The following SORBS3 variants were observed in gnomAD, a reference collection of about 807,000 sequenced individuals.
SORBS3 encodes the protein sorbin and SH3 domain containing 3, also known as vinexin.
A neutral mutation model predicts 98.0 loss-of-function variants in SORBS3; 69 were observed. That is an observed-to-expected ratio of 0.70 (90% CI 0.58 to 0.86). The LOEUF is 0.86. SORBS3 is among the 40% of genes least tolerant of loss of function. SORBS3 has a pLI of 0.00. For missense variants in SORBS3, 954 were observed against 908.5 expected (o/e 1.05, Z -0.64); for synonymous variants, 394 against 355.4 (o/e 1.11, Z -1.22).
chr8:22,570,422 G>T (rs1019177726), intron 17 of SORBS3, among the ~76,000 whole-genome samples: 7 of 152,204 alleles, frequency 4.6e-5, no homozygotes, highest in Non-Finnish European at 7.3e-5. Flanking sequence ...CCCAGGCAGG[G>T]CAGTAGTGGT....
intron 4 of SORBS3, among the ~76,000 whole-genome samples, chr8:22,557,505 A>G (rs1250590029): frequency 1.3e-5 from 2 of 152,082 alleles, no homozygotes; most frequent in Non-Finnish European, 2.9e-5. Context: ...TCACTCCTAC[A>G]TTATTGCTGT....
intron 1 of SORBS3, among the ~76,000 whole-genome samples, chr8:22,553,668 G>A (rs990204912): frequency 6.6e-6 from 1 of 152,184 alleles, no homozygotes; most frequent in Non-Finnish European, 1.5e-5. Flanking sequence ...AGGGGCGGGA[G>A]AAAGTGGAGC....
intron 1 of SORBS3, among the ~76,000 whole-genome samples, chr8:22,546,875 C>G (rs888262478): frequency 5.3e-5 from 8 of 152,116 alleles, no homozygotes; most frequent in African/African-American, 1.9e-4. Context: ...CTCCCCTGGG[C>G]AAGTGGGGAA....
chr8:22,562,344 G>A (rs1446558053), intron 7 of SORBS3, among the ~76,000 whole-genome samples: 2 of 152,206 alleles, frequency 1.3e-5, no homozygotes, highest in Non-Finnish European at 2.9e-5. Flanking sequence ...GAAAACAAGG[G>A]ATATGGAAGA....
intron 20 of SORBS3, among the ~76,000 whole-genome samples, chr8:22,573,714 G>T (rs1334037091): frequency 1.3e-5 from 2 of 152,226 alleles, no homozygotes; most frequent in African/African-American, 4.8e-5. Flanking sequence ...AGGAAGTCAG[G>T]GTGCCAGCCT....
At chr8:22,551,670 C>T (rs1403227881), upstream of SORBS3, 1 of 948,440 alleles carries the variant, frequency 1.1e-6, no homozygotes, top group East Asian at 1.2e-4. This position sits in a 1 kb window ranked among gnomAD's most constrained non-coding sequence, Gnocchi z 5.8. Context: ...GCCAGGCCTC[C>T]TCGGCAGGGG....
Position 22,571,800 on chromosome 8 carries a change from C to T in SORBS3, c.1826C>T (p.Thr609Ile), listed in dbSNP as rs201699981. 17 of 1,612,940 alleles carry T rather than the reference C, an allele frequency of 1.1e-5. No individual in the cohort carries two copies. In the East Asian group the frequency reaches 3.6e-4, roughly 34 times the overall value. Reference sequence around the variant, plus strand: ...GACCTGGGGACCTCCTCTCCTAACACCTCTCAGATACACTGGACCCCGTGA... The same window carrying T: ...GACCTGGGGACCTCCTCTCCTAACATCTCTCAGATACACTGGACCCCGTGA... ...PLDLGTSSPN[T>I]SQIHWTPYRA... The change falls in exon 19 of 21, where the codon ACC becomes ATC. Residue 609 changes from threonine (T) to isoleucine (I), a missense_variant. Transcript: ENST00000240123.
chr8:22,555,488 G>A (rs1204705565), intron 3 of SORBS3, among the ~76,000 whole-genome samples: 3 of 152,214 alleles, frequency 2.0e-5, no homozygotes, highest in Non-Finnish European at 4.4e-5. Flanking sequence ...CCCTAAGACA[G>A]GTGCTGTGTA....
chr8:22,557,078 T>C (rs913801336), intron 4 of SORBS3, among the ~76,000 whole-genome samples, 170 bp downstream of exon 4: 1 of 152,156 alleles, frequency 6.6e-6, no homozygotes, highest in Non-Finnish European at 1.5e-5. Flanking sequence ...CTCATAAAGC[T>C]GCAGACACCC....
chr8:22,571,678 T>C (rs1314788253), intron 18 of SORBS3, 40 bp from the exon 19 acceptor site: 6 of 1,488,310 alleles, frequency 4.0e-6, no homozygotes, highest in African/African-American at 1.4e-5. Context: ...ACCCATCGTC[T>C]TCCTCCCTCT....
chr8:22,565,881 G>A lies in SORBS3; in HGVS notation c.950+9G>A. On this transcript the variant is annotated intron_variant, in intron 12 of 20. Transcript: ENST00000240123. ...CAGCGGCCCCCGGCCGGGTGAGTGG[G>A]AGACGCGGGAGGAGGAAGGGGGCTG... is the stretch of plus-strand genomic sequence containing the variant. 1.6e-5 allele frequency: 20 copies of A among 1,253,792 alleles called. No individual in the cohort carries two copies. Among genetic ancestry groups the A allele is most frequent in the Non-Finnish European group, 2.0e-5 (20 of 999,320 alleles). 77.7% of individuals were successfully genotyped at this position (1,253,792 alleles called of 1,614,324 possible). A position where few individuals can be genotyped will look rare whatever the true frequency, so the allele number is the denominator to read the frequency against.
intron 6 of SORBS3, 40 bp downstream of exon 6, chr8:22,561,413 G>A: frequency 1.2e-6 from 2 of 1,610,336 alleles, no homozygotes; most frequent in Admixed American, 1.7e-5. Context: ...ATAGCCCTGC[G>A]CCTGCGTCCG....
At chr8:22,545,280 A>G (rs1840005190) in intron 1 of SORBS3, 1 of 152,302 alleles carries the variant, frequency 6.6e-6, no homozygotes, top group African/African-American at 2.4e-5. Flanking sequence ...AGATGTGTGT[A>G]GAGGAAGAAA....
intron 12 of SORBS3, 81 bp from the exon 13 acceptor site, chr8:22,566,263 TG>T: frequency 2.0e-6 from 3 of 1,489,466 alleles, no homozygotes; most frequent in South Asian, 1.3e-5. Flanking sequence ...ATGGGGGCGA[TG>T]GGGGGTCAGA....
At chr8:22,561,671 T>G in intron 6 of SORBS3, 194 bp from the exon 7 acceptor site, 1 of 623,834 alleles carries the variant, frequency 1.6e-6, no homozygotes, top group African/African-American at 1.8e-5. Context: ...TTTGAAGATG[T>G]AGTAAATGTC....
rs373940124 is a variant in SORBS3 at position 22,554,819 on chromosome 8, G to T, written c.103-44G>T. 1 of 644,970 alleles carries T rather than the reference G, an allele frequency of 1.6e-6. No individual in the cohort carries two copies. The allele number at this position is 644,970 out of a possible 1,614,324, so 40.0% of individuals were successfully genotyped here. ...TGCCTAGTAGCCATCCCTCCCTCCC[G>T]CCCTGCTGGGCCCTGAGCTGCCGCT... On this transcript the variant is annotated intron_variant, in intron 2 of 20. Coordinates refer to ENST00000240123, the MANE Select transcript of SORBS3 (RefSeq NM_005775.5). This position sits in a 1 kb window ranked among gnomAD's most constrained non-coding sequence, Gnocchi z 6.5.
At chr8:22,574,532 T>TCCAATTCCCTCTCTGTAGGG in intron 20 of SORBS3, 135 bp from the exon 21 acceptor site, 1 of 823,020 alleles carries the variant, frequency 1.2e-6, no homozygotes, top group Non-Finnish European at 2.0e-6. Context: ...GGAGAGCAAA[T>TCCAATTCCCTCTCTGTAGGG]CCAATTCCCT....
At position 22,569,145 on chromosome 8, in the gene SORBS3, C is replaced by A; in HGVS notation, c.1306-3C>A. Reference sequence around the variant, plus strand: ...ATCTTTCTCATGACCTTTCTTCATGCAGGTGCTGCCCGCAGATGAGATCCC... The same window carrying A: ...ATCTTTCTCATGACCTTTCTTCATGAAGGTGCTGCCCGCAGATGAGATCCC... On this transcript the variant is annotated splice_region_variant and splice_polypyrimidine_tract_variant and intron_variant, in intron 16 of 20. Coordinates refer to ENST00000240123, the MANE Select transcript of SORBS3 (RefSeq NM_005775.5). The A allele has an allele frequency of 1.2e-6, 2 of 1,601,946 alleles. No individual in the cohort carries two copies. The highest frequency in any genetic ancestry group is 1.1e-5 in the South Asian group (1 of 89,228).
At position 22,570,935 on chromosome 8, in the gene SORBS3, A is replaced by G; in HGVS notation, c.1457A>G (p.Lys486Arg). Residue 486 changes from lysine (K) to arginine (R), a missense_variant, in exon 18 of 21, where the codon AAG becomes AGG. Physicochemically the swap from Lys to Arg is conservative, Grantham distance 26 (BLOSUM62 2). Transcript: ENST00000240123. The stretch of plus-strand genomic sequence containing the variant: ...GGAGAGCACATCTGCCTGATCCGCA[A>G]GGTGAACGAGAACTGGTACGAGGGA... The part of the protein sequence containing the change: ...RKGEHICLIR[K>R]VNENWYEGRI... 1 of 1,607,836 alleles carries G rather than the reference A, an allele frequency of 6.2e-7. No individual in the cohort carries two copies. Among genetic ancestry groups the G allele is most frequent in the Non-Finnish European group, 8.5e-7 (1 of 1,175,700 alleles).
Sources: gnomAD v4.1 joint callset for allele counts (sites outside exome capture counted in the v4.1 genomes callset) on GRCh38, gnomAD v4.1.1 for gene constraint, Gnocchi (gnomAD v3.1) non-coding constraint, MANE v1.5 for transcripts, NCBI Gene and HGNC (gene_info 2026-07-23, HGNC 2026-07-21) for gene names.